Variants in MGAT4C observed in about 807,000 individuals in gnomAD.
MGAT4C encodes alpha-1,3-mannosyl-glycoprotein 4-beta-N-acetylglucosaminyltransferase C.
MGAT4C carries 19 observed loss-of-function variants against 40.1 expected under a neutral mutation model. The ratio of observed to expected loss-of-function variants is 0.47; its 90% confidence interval spans 0.33 to 0.70. The LOEUF (loss-of-function observed/expected upper bound fraction) is 0.70, where lower values mean the gene tolerates loss of function less well. Among genes scored for constraint, MGAT4C ranks in the 30% least tolerant of loss-of-function variants. The pLI is 0.02. For missense variants in MGAT4C, 491 were observed against 563.2 expected, an observed-to-expected ratio of 0.87 and a Z score of 1.30; for synonymous variants, 181 against 187.1, an observed-to-expected ratio of 0.97 and a Z score of 0.27.
At chr12:86,689,493 T>C (rs1950135413) in intron 2 of MGAT4C, among the ~76,000 whole-genome samples, 1 of 152,230 alleles carries the variant, frequency 6.6e-6, no homozygotes. Context: ...GGATGGGGTT[T>C]TTGCATGGGC....
intron 1 of MGAT4C, among the ~76,000 whole-genome samples, chr12:86,112,757 G>A (rs1877683220): frequency 6.6e-6 from 1 of 151,748 alleles, no homozygotes; most frequent in African/African-American, 2.4e-5. Flanking sequence ...AAATAGTTAG[G>A]AGGAAACAGA....
In MGAT4C at chr12:86,543,802, T is replaced by C. The variant is rs78765715; in HGVS notation, c.-228-108537A>G. On this transcript the variant is annotated intron_variant, in intron 2 of 7. Coordinates refer to the MGAT4C transcript ENST00000548651. ...GAATCTTTATTATTTTCTACAATTC[T>C]GTGGATGGCTAATGGTTCTTTTAGT... Among the ~76,000 whole-genome samples, 217 of 134,654 alleles carry C rather than the reference T, an allele frequency of 1.6e-3. 1 individual carries two copies. The highest frequency in any genetic ancestry group is 5.9e-3 in the African/African-American group (209 of 35,214). The allele number at this position is 134,654 out of a possible 152,430, so 88.3% of individuals were successfully genotyped here.
intron 4 of MGAT4C, among the ~76,000 whole-genome samples, chr12:86,319,631 T>C (rs1954330070): frequency 6.6e-6 from 1 of 152,200 alleles, no homozygotes; most frequent in Admixed American, 6.5e-5. Context: ...GGAATGACAC[T>C]AGGATGTTGT....
chr12:86,239,391 T>C (rs1157682501), intron 1 of MGAT4C, among the ~76,000 whole-genome samples: 1 of 152,066 alleles, frequency 6.6e-6, no homozygotes, highest in Non-Finnish European at 1.5e-5. Flanking sequence ...TAAATTAATT[T>C]AAGAAGCCAC....
At position 85,975,604 on chromosome 12, in the gene MGAT4C, T is replaced by G. The variant is rs111306281; in HGVS notation, c.*3685A>C. ...CCCATGAAGACAAAAGGCATGCATA[T>G]AAAATTTGTTGAAACACAAAGCTGA... On this transcript the variant is annotated 3_prime_UTR_variant, in exon 5 of 5. Transcript: ENST00000611864. 6.6e-6 allele frequency: 1 copy of G among 150,804 alleles called. No individual in the cohort carries two copies. The highest frequency in any genetic ancestry group is 1.5e-5 in the Non-Finnish European group (1 of 67,112). 9.3% of individuals were successfully genotyped at this position (150,804 alleles called of 1,614,324 possible).
At position 85,977,536 on chromosome 12, in the gene MGAT4C, T is replaced by C. The variant is rs2136674336; in HGVS notation, c.*1753A>G. On this transcript the variant is annotated 3_prime_UTR_variant, in exon 5 of 5. Transcript: ENST00000611864. Reference sequence around the variant, plus strand: ...TATTTAGCCTCTTATGAAAGGTTCGTTTTTCTTCTAACACTTTAGTAGCTG... The same window carrying C: ...TATTTAGCCTCTTATGAAAGGTTCGCTTTTCTTCTAACACTTTAGTAGCTG... 6.6e-6 allele frequency: 1 copy of C among 151,576 alleles called. No individual in the cohort carries two copies. The highest frequency in any genetic ancestry group is 1.9e-4 in the East Asian group (1 of 5,170). 9.4% of individuals were successfully genotyped at this position (151,576 alleles called of 1,614,324 possible).
At chr12:86,415,522 G>T (rs1956691335) in intron 3 of MGAT4C, among the ~76,000 whole-genome samples, 1 of 151,936 alleles carries the variant, frequency 6.6e-6, no homozygotes, top group South Asian at 2.1e-4. Context: ...AGTCTGTATT[G>T]TTAGGACTTT....
chr12:86,703,236 A>G (rs1237997645), intron 2 of MGAT4C, among the ~76,000 whole-genome samples: 1 of 152,224 alleles, frequency 6.6e-6, no homozygotes, highest in Non-Finnish European at 1.5e-5. Context: ...ACAGTTTCAA[A>G]TTGACAACAA....
intron 4 of MGAT4C, among the ~76,000 whole-genome samples, chr12:86,281,251 T>A (rs1953212045): frequency 6.6e-6 from 1 of 152,058 alleles, no homozygotes; most frequent in African/African-American, 2.4e-5. Flanking sequence ...GAAACTTACA[T>A]TGGTATACTT....
intron 2 of MGAT4C, among the ~76,000 whole-genome samples, chr12:86,484,517 C>T (rs746384302): frequency 6.6e-6 from 1 of 152,182 alleles, no homozygotes; most frequent in Non-Finnish European, 1.5e-5. Context: ...TAGTTAGGAT[C>T]CCCCAACACA....
chr12:86,114,093 T>C (rs570225765), intron 1 of MGAT4C, among the ~76,000 whole-genome samples: 2 of 152,050 alleles, frequency 1.3e-5, no homozygotes, highest in East Asian at 3.9e-4. Context: ...AAGTATTTTT[T>C]CTAGGTGAGG....
At chr12:86,818,237 A>G (rs1952641616) in intron 1 of MGAT4C, among the ~76,000 whole-genome samples, 2 of 151,342 alleles carry the variant, frequency 1.3e-5, no homozygotes, top group Non-Finnish European at 3.0e-5. Flanking sequence ...CAATAACAGA[A>G]TATTAATCAT....
chr12:86,265,846 C>A (rs1320886826), intron 4 of MGAT4C, among the ~76,000 whole-genome samples: 1 of 151,994 alleles, frequency 6.6e-6, no homozygotes, highest in Non-Finnish European at 1.5e-5. Flanking sequence ...CACCAAAGAT[C>A]TTTTACTTCC....
rs1955087681 is a variant in MGAT4C at position 86,348,455 on chromosome 12, G to A, written c.-119-14328C>T. Among the ~76,000 whole-genome samples, 6 of 151,198 alleles carry A rather than the reference G, an allele frequency of 4.0e-5. No homozygotes were observed. The South Asian group carries it at 1.2e-3, about 31-fold the overall frequency. The stretch of plus-strand genomic sequence containing the variant: ...TCAGAATGTTTCATCATTTCTTGTT[G>A]CTATGCATTTCTCTTCCTTGGATTT... On this transcript the variant is annotated intron_variant, in intron 3 of 7. Coordinates refer to the MGAT4C transcript ENST00000548651.
At chr12:86,418,882 C>A (rs1956770038) in intron 3 of MGAT4C, among the ~76,000 whole-genome samples, 1 of 151,974 alleles carries the variant, frequency 6.6e-6, no homozygotes, top group Non-Finnish European at 1.5e-5. Flanking sequence ...GCCAAGAAAT[C>A]ACTTAGGTCA....
intron 2 of MGAT4C, among the ~76,000 whole-genome samples, chr12:86,684,692 T>C (rs1298568552): frequency 1.3e-5 from 2 of 152,228 alleles, no homozygotes; most frequent in Admixed American, 1.3e-4. Context: ...CTCCAGGATC[T>C]GTTGTTTCCT....
chr12:86,821,950 TGTA>T (rs1429490032), intron 1 of MGAT4C, among the ~76,000 whole-genome samples: 1 of 150,624 alleles, frequency 6.6e-6, no homozygotes, highest in Admixed American at 6.7e-5. Context: ...TTATTTTAAT[TGTA>T]GTAAAAAAGT....
intron 3 of MGAT4C, among the ~76,000 whole-genome samples, chr12:86,374,864 C>T (rs1264966636): frequency 1.3e-5 from 2 of 152,108 alleles, no homozygotes; most frequent in South Asian, 2.1e-4. Context: ...CCAGTAAGGC[C>T]TGCTTTGCTG....
intron 1 of MGAT4C, among the ~76,000 whole-genome samples, chr12:86,764,782 C>T (rs887594488): frequency 6.6e-5 from 10 of 152,152 alleles, no homozygotes; most frequent in African/African-American, 2.4e-4. Context: ...CTAGCAAACT[C>T]CAACAGACAT....
Sources: allele counts gnomAD v4.1 joint callset (sites outside exome capture counted in the v4.1 genomes callset), GRCh38; gene constraint gnomAD v4.1.1; transcripts MANE v1.5; gene names NCBI Gene and HGNC (gene_info 2026-07-23, HGNC 2026-07-21).